PLEKHG7: variants seen among roughly 807,000 people sequenced by gnomAD.
PLEKHG7 encodes the protein pleckstrin homology domain-containing family G member 7.
PLEKHG7 carries 77 observed loss-of-function variants against 85.2 expected under a neutral mutation model. The observed-to-expected ratio is 0.90, with a 90% confidence interval of 0.75 to 1.09. PLEKHG7 has a LOEUF of 1.09. Among genes scored for constraint, PLEKHG7 ranks in the 50% least tolerant of loss-of-function variants. The pLI is 0.00. For synonymous variants in PLEKHG7, 301 were observed against 302.4 expected, an observed-to-expected ratio of 1.00 and a Z score of 0.05; for missense variants, 777 against 804.3, an observed-to-expected ratio of 0.97 and a Z score of 0.41.
intron 3 of PLEKHG7, among the ~76,000 whole-genome samples, chr12:92,727,829 GA>G (rs1472266483): frequency 2.6e-5 from 4 of 151,536 alleles, no homozygotes; most frequent in Non-Finnish European, 4.4e-5. Context: ...GACCTCAGAT[GA>G]TACGCTCACC....
rs1872355430 is a variant in PLEKHG7, at chr12:92,741,521, G to A, written c.1066G>A (p.Gly356Ser). 3.7e-6 allele frequency: 6 copies of A among 1,612,426 alleles called. No individual in the cohort carries two copies. The highest frequency in any genetic ancestry group is 5.1e-6 in the Non-Finnish European group (6 of 1,179,392). Residue 356 changes from glycine to serine, a missense_variant, in exon 9 of 17, where the codon GGC becomes AGC. By Grantham distance (56) the Gly-to-Ser change is moderately conservative. Transcript: ENST00000344636. ...TSLGFVNSLFGIIKDYVDASE... is the reference protein window; with the variant it reads ...TSLGFVNSLFSIIKDYVDASE... ...CCTTGGTTTTGTGAACAGTCTCTTT[G>A]GCATCATCAAGGACTATGTAGACGC...
intron 15 of PLEKHG7, among the ~76,000 whole-genome samples, chr12:92,764,412 G>C (rs756558823): frequency 6.6e-6 from 1 of 152,154 alleles, no homozygotes; most frequent in African/African-American, 2.4e-5. Flanking sequence ...TTAGACAAGA[G>C]ACTCTTCAGT....
intron 16 of PLEKHG7, among the ~76,000 whole-genome samples, chr12:92,769,664 G>C (rs1195780309): frequency 1.3e-5 from 2 of 152,134 alleles, no homozygotes; most frequent in Non-Finnish European, 2.9e-5. Flanking sequence ...AATGTGGCCA[G>C]ACAACAAATG....
At chr12:92,703,240 G>C (rs559774592) in intron 1 of PLEKHG7, 108 bp downstream of exon 1, 1 of 152,310 alleles carries the variant, frequency 6.6e-6, no homozygotes, top group African/African-American at 2.4e-5. Context: ...GGTCTCATTA[G>C]AATTAGTGAA....
At chr12:92,727,188 C>T (rs1277986563) in intron 3 of PLEKHG7, among the ~76,000 whole-genome samples, 1 of 152,172 alleles carries the variant, frequency 6.6e-6, no homozygotes, top group East Asian at 1.9e-4. Context: ...CAGCTCGCAG[C>T]CATTCTGCAT....
intron 1 of PLEKHG7, 38 bp downstream of exon 1, chr12:92,703,170 C>G (rs949939581): frequency 6.6e-6 from 1 of 152,376 alleles, no homozygotes; most frequent in Admixed American, 6.5e-5. Flanking sequence ...CTGGGTTTCT[C>G]TCTTGCACTT....
At chr12:92,746,358 T>C (rs894539767) in intron 10 of PLEKHG7, among the ~76,000 whole-genome samples, 4 of 152,212 alleles carry the variant, frequency 2.6e-5, no homozygotes, top group African/African-American at 9.6e-5. Flanking sequence ...GCTCCCATGG[T>C]TCCCAATGAC....
chr12:92,740,741 T>G lies in PLEKHG7; in HGVS notation c.940-112T>G, dbSNP rs1592681393. ...TTTAAACCTTGAGAGTGCTGATTTC[T>G]CCATTGTTTTGTAAAGTTACACCCA... is the stretch of plus-strand genomic sequence containing the variant. On this transcript the variant is annotated intron_variant, in intron 7 of 16. Coordinates refer to ENST00000344636, the MANE Select transcript of PLEKHG7 (RefSeq NM_001377329.1). 9 of 685,012 alleles carry G rather than the reference T, an allele frequency of 1.3e-5. No individual in the cohort carries two copies. The East Asian group carries it at 2.2e-4, about 17-fold the overall frequency. 42.4% of individuals were successfully genotyped at this position (685,012 alleles called of 1,614,324 possible). A position where few individuals can be genotyped will look rare whatever the true frequency, so the allele number is the denominator to read the frequency against.
intron 6 of PLEKHG7, 68 bp from the exon 7 acceptor site, chr12:92,737,310 G>C: frequency 7.9e-7 from 1 of 1,271,690 alleles, no homozygotes; most frequent in South Asian, 3.0e-5. Flanking sequence ...GCAAGCCAAA[G>C]CAAATAGCCA....
chr12:92,754,884 G>A (rs1402422499), intron 11 of PLEKHG7, among the ~76,000 whole-genome samples: 2 of 152,002 alleles, frequency 1.3e-5, no homozygotes, highest in African/African-American at 4.8e-5. Context: ...GTGATATTCA[G>A]CTATACATAA....
At chr12:92,707,748 A>C in intron 3 of PLEKHG7, 76 bp downstream of exon 3, 2 of 1,605,852 alleles carry the variant, frequency 1.2e-6, no homozygotes, top group Non-Finnish European at 8.5e-7. Flanking sequence ...TTCTGTCCTG[A>C]CATAACAAAG....
chr12:92,720,795 TG>T (rs1330292576), intron 3 of PLEKHG7, among the ~76,000 whole-genome samples: 4 of 152,140 alleles, frequency 2.6e-5, no homozygotes, highest in Non-Finnish European at 4.4e-5. Context: ...ATATCACTTT[TG>T]GGGGGGCCAC....
intron 10 of PLEKHG7, among the ~76,000 whole-genome samples, chr12:92,746,559 A>C (rs1311008068): frequency 1.3e-5 from 2 of 152,234 alleles, no homozygotes; most frequent in African/African-American, 4.8e-5. Flanking sequence ...ATGCATGAAT[A>C]ATCATATTGC....
chr12:92,760,523 A>G (rs1222778980), intron 13 of PLEKHG7, among the ~76,000 whole-genome samples: 1 of 152,072 alleles, frequency 6.6e-6, no homozygotes, highest in Non-Finnish European at 1.5e-5. Flanking sequence ...AGAACAATAT[A>G]TATATATAAT....
intron 4 of PLEKHG7, among the ~76,000 whole-genome samples, chr12:92,730,409 C>T (rs1333438209): frequency 1.3e-5 from 2 of 152,238 alleles, no homozygotes; most frequent in African/African-American, 4.8e-5. Context: ...TTTGCCATCA[C>T]CTGAGAAGTT....
intron 6 of PLEKHG7, among the ~76,000 whole-genome samples, 157 bp from the exon 7 acceptor site, chr12:92,737,221 G>C (rs150535510): frequency 9.2e-5 from 14 of 152,114 alleles, no homozygotes; most frequent in African/African-American, 3.4e-4. Context: ...GGGTCACTTG[G>C]GGAGTCACTG....
intron 13 of PLEKHG7, 88 bp from the exon 14 acceptor site, chr12:92,761,664 A>T: frequency 7.5e-7 from 1 of 1,338,452 alleles, no homozygotes; most frequent in Non-Finnish European, 9.7e-7. Context: ...GAAAGAAAGA[A>T]AGAAAGAAAG....
At chr12:92,723,131 G>A (rs1443406508) in intron 3 of PLEKHG7, among the ~76,000 whole-genome samples, 1 of 152,222 alleles carries the variant, frequency 6.6e-6, no homozygotes, top group Non-Finnish European at 1.5e-5. Flanking sequence ...AGTGCACAGT[G>A]TGTTTAAAGA....
intron 14 of PLEKHG7, among the ~76,000 whole-genome samples, chr12:92,763,651 CA>C (rs556699993): frequency 1.3e-5 from 2 of 151,630 alleles, no homozygotes; most frequent in African/African-American, 4.8e-5. Context: ...CCCATCTCTA[CA>C]AAAAAATTAA....
Sources: gnomAD v4.1 joint callset for allele counts (sites outside exome capture counted in the v4.1 genomes callset) on GRCh38, gnomAD v4.1.1 for gene constraint, MANE v1.5 for transcripts, NCBI Gene and HGNC (gene_info 2026-07-23, HGNC 2026-07-21) for gene names.